MLXIPL: variants seen among roughly 807,000 people sequenced by gnomAD.
MLXIPL encodes MLX interacting protein like, also known as carbohydrate-responsive element-binding protein.
Under a neutral mutation model 81.5 loss-of-function variants are expected in MLXIPL, and 49 were observed. That is an observed-to-expected ratio of 0.60 (90% CI 0.48 to 0.76). The LOEUF is 0.76. Among genes scored for constraint, MLXIPL ranks in the 30% least tolerant of loss-of-function variants. The probability of loss-of-function intolerance (pLI) is 0.00; values close to 1 mark genes in which losing one functional copy is unlikely to be tolerated. For missense variants in MLXIPL, 1,053 were observed against 1,167.0 expected, an observed-to-expected ratio of 0.90 and a Z score of 1.42; for synonymous variants, 466 against 485.5, an observed-to-expected ratio of 0.96 and a Z score of 0.53.
chr7:73,640,391 G>T, the MLXIPL span, among the ~76,000 whole-genome samples: 2 of 138,078 alleles, frequency 1.4e-5, no homozygotes, highest in Non-Finnish European at 3.1e-5. Context: ...GACAGAGCAA[G>T]ACCCTGTCTC....
upstream of MLXIPL, among the ~76,000 whole-genome samples, chr7:73,626,858 G>C (rs1338693218): frequency 6.6e-6 from 1 of 152,126 alleles, no homozygotes; most frequent in Non-Finnish European, 1.5e-5. Flanking sequence ...GGAGGAGGTG[G>C]TTTCCCATGT....
In MLXIPL at chr7:73,619,726, C is replaced by A. The variant is rs549928645; in HGVS notation, c.294-3549G>T. 5.9e-5 allele frequency among the ~76,000 whole-genome samples: 9 copies of A among 151,462 alleles called. No individual in the cohort carries two copies. The East Asian group carries it at 1.8e-3, about 30-fold the overall frequency. On this transcript the variant is annotated intron_variant, in intron 1 of 16. Transcript: ENST00000313375. ...TGGGTGGATCACAAGGTCAGGAGAT[C>A]GAGACCATCCTGGCTAACGCAGTGA...
chr7:73,602,324 G>T (rs1794944934), intron 7 of MLXIPL, among the ~76,000 whole-genome samples: 1 of 149,174 alleles, frequency 6.7e-6, no homozygotes, highest in Admixed American at 6.7e-5. Flanking sequence ...AATTCTCCTT[G>T]CCTCAGCCTC....
intron 2 of MLXIPL, among the ~76,000 whole-genome samples, chr7:73,612,303 C>G (rs1554599892): frequency 6.6e-6 from 1 of 151,926 alleles, no homozygotes; most frequent in Non-Finnish European, 1.5e-5. Flanking sequence ...TGCACTCCAG[C>G]CTGGGTGATG....
chr7:73,604,539 C>T (rs2116326531), intron 7 of MLXIPL, among the ~76,000 whole-genome samples: 1 of 152,052 alleles, frequency 6.6e-6, no homozygotes, highest in South Asian at 2.1e-4. Context: ...TGCCACTGTA[C>T]TCCAGCCTGG....
chr7:73,633,641 A>T, the MLXIPL span, among the ~76,000 whole-genome samples: 1 of 151,522 alleles, frequency 6.6e-6, no homozygotes, highest in African/African-American at 2.4e-5. Context: ...TTTTGTAGAG[A>T]CAGGATCTTG....
upstream of MLXIPL, among the ~76,000 whole-genome samples, chr7:73,625,340 C>T (rs2116554774): frequency 6.6e-6 from 1 of 152,326 alleles, no homozygotes; most frequent in African/African-American, 2.4e-5. Flanking sequence ...CATATTAGCT[C>T]TTCTGGGTCC....
chr7:73,619,924 C>T (rs369671545), intron 1 of MLXIPL, among the ~76,000 whole-genome samples: 28 of 151,876 alleles, frequency 1.8e-4, no homozygotes, highest in African/African-American at 6.5e-4. Context: ...AGCAAGACTC[C>T]GTCTCAAAAA....
chr7:73,606,308 G>C, intron 5 of MLXIPL, 197 bp from the exon 6 acceptor site: 1 of 625,466 alleles, frequency 1.6e-6, no homozygotes, highest in Non-Finnish European at 2.8e-6. Flanking sequence ...CTTCCCCCAG[G>C]AGATAGACCA....
In MLXIPL at chr7:73,596,812, G is replaced by A. The variant is rs1309974321; in HGVS notation, c.1672-23C>T. The stretch of plus-strand genomic sequence containing the variant: ...CTGCTGGGGTGGAGAAGGGCGGAGA[G>A]TCGGGTTGAAGGCCGTGGGCACAGC... On this transcript the variant is annotated intron_variant, in intron 10 of 16. Transcript: ENST00000313375. The surrounding 1 kb of genome is among the most constrained non-coding windows in gnomAD (Gnocchi z 4.7). The A allele has an allele frequency of 2.5e-6, 4 of 1,608,282 alleles. No individual in the cohort carries two copies. In the African/African-American group the frequency reaches 5.3e-5, roughly 21 times the overall value.
chr7:73,643,871 A>G, the MLXIPL span, among the ~76,000 whole-genome samples: 2 of 152,002 alleles, frequency 1.3e-5, no homozygotes, highest in African/African-American at 4.8e-5. Context: ...GGCTCAAGTG[A>G]TCCTCCCGCC....
chr7:73,603,557 A>T (rs553664458), intron 7 of MLXIPL, among the ~76,000 whole-genome samples: 365 of 152,244 alleles, frequency 2.4e-3, no homozygotes, highest in African/African-American at 8.5e-3. Context: ...CCCGCCCCAT[A>T]GGCCTCCACC....
rs1794616138 is a variant in MLXIPL at position 73,599,547 on chromosome 7, G to A, written c.1050C>T (p.Leu350=). Residue 350 remains leucine, a synonymous_variant, in exon 8 of 17, where the codon CTC becomes CTT. Transcript: ENST00000313375. Reference sequence around the variant, plus strand: ...TCACCTGCAGACGGCTGTGTCCAGAGAGGTGGGTCATGGCCGAGGAAGCCG... The same window carrying A: ...TCACCTGCAGACGGCTGTGTCCAGAAAGGTGGGTCATGGCCGAGGAAGCCG... ...VPPASSAMTH[L]SGHSRLQARN... is the part of the protein sequence containing the mutation. 1.2e-6 allele frequency: 2 copies of A among 1,613,176 alleles called. No individual in the cohort carries two copies. The highest frequency in any genetic ancestry group is 1.7e-6 in the Non-Finnish European group (2 of 1,179,792).
In MLXIPL at chr7:73,605,980, G is replaced by A. The variant is rs578022743; in HGVS notation, c.750C>T (p.Ser250=). The A allele has an allele frequency of 1.1e-5, 18 of 1,592,594 alleles. 1 individual carries two copies. The highest frequency in any genetic ancestry group is 8.0e-5 in the South Asian group (7 of 87,786). ...TGGTGAAGAGAGTGTCTGAGATGTC[G>A]GACAAAAAGCAATTGAGGTCCAGGA... ...RQLLDLNCFL[S]DISDTLFTMT... is the part of the protein sequence containing the mutation. The change falls in exon 6 of 17, where the codon TCC becomes TCT. Residue 250 remains serine, a synonymous_variant. Transcript: ENST00000313375.
chr7:73,601,909 G>A (rs943608882), intron 7 of MLXIPL, among the ~76,000 whole-genome samples: 17 of 152,186 alleles, frequency 1.1e-4, no homozygotes, highest in Non-Finnish European at 2.2e-4. Flanking sequence ...TGGAGTCTCA[G>A]CATGGGGTCT....
At position 73,596,873 on chromosome 7, in the gene MLXIPL, C is replaced by A; in HGVS notation, c.1663G>T (p.Gly555Trp). The A allele has an allele frequency of 6.2e-7, 1 of 1,611,536 alleles. No homozygotes were observed. The highest frequency in any genetic ancestry group is 1.8e-4 in the Middle Eastern group (1 of 5,464). ...AGTGCCCGAGATCTTACCGGGGACC[C>A]TGGGGACCGGAGGAGGGTGCTGGAT... is the stretch of plus-strand genomic sequence containing the variant. Reference protein sequence around the residue: ...LVSSTLLRSPGSPQETVPEFP... With the variant: ...LVSSTLLRSPWSPQETVPEFP... The change falls in exon 10 of 17, where the codon GGG (glycine) becomes TGG (tryptophan). Residue 555 changes from glycine to tryptophan, a missense_variant. Physicochemically the swap from Gly to Trp is radical, Grantham distance 184. Around this residue, in one of 3 missense-constraint regions of MLXIPL, gnomAD observed 823 missense variants for 933.0 expected, o/e 0.88. Transcript: ENST00000313375. The surrounding 1 kb of genome is among the most constrained non-coding windows in gnomAD (Gnocchi z 4.7).
chr7:73,606,365 G>T, intron 5 of MLXIPL: 1 of 549,316 alleles, frequency 1.8e-6, no homozygotes, highest in Admixed American at 3.4e-5. Context: ...ATTTTTTCCT[G>T]TCTGGGACCC....
the MLXIPL span, among the ~76,000 whole-genome samples, chr7:73,634,497 T>A: frequency 6.6e-6 from 1 of 151,984 alleles, no homozygotes; most frequent in East Asian, 1.9e-4. Flanking sequence ...GTTCAAGCAA[T>A]TCTCCTGTCT....
chr7:73,594,544 C>T (rs1160708239), intron 15 of MLXIPL, 141 bp from the exon 16 acceptor site: 6 of 1,032,194 alleles, frequency 5.8e-6, no homozygotes, highest in Non-Finnish European at 4.2e-6. Context: ...GTTGCAGCCC[C>T]TACTTCTTCT....
Sources: allele counts gnomAD v4.1 joint callset (sites outside exome capture counted in the v4.1 genomes callset), GRCh38; gene constraint gnomAD v4.1.1; regional missense constraint gnomAD v4.1.1; non-coding constraint Gnocchi (gnomAD v3.1); transcripts MANE v1.5; gene names NCBI Gene and HGNC (gene_info 2026-07-23, HGNC 2026-07-21).